Variants in SERPINB2 observed in about 807,000 individuals in gnomAD.
SERPINB2 encodes serpin family B member 2.
SERPINB2 carries 28 observed loss-of-function variants against 39.4 expected under a neutral mutation model. The observed-to-expected ratio is 0.71, with a 90% CI of 0.53 to 0.97. The LOEUF is 0.97. SERPINB2 is among the 50% of genes least tolerant of loss of function. The probability of loss-of-function intolerance (pLI) is 0.00; values close to 1 mark genes in which losing one functional copy is unlikely to be tolerated. For synonymous variants in SERPINB2, 209 were observed against 175.1 expected (o/e 1.19, Z -1.53); for missense variants, 557 against 505.3 (o/e 1.10, Z -0.98).
chr18:63,892,751 C>A (rs1204948535), intron 2 of SERPINB2: 1 of 152,196 alleles, frequency 6.6e-6, no homozygotes, highest in Non-Finnish European at 1.5e-5. Flanking sequence ...GTGAATCAAT[C>A]TCTGTGTTTG....
rs931461195 is a variant in SERPINB2 at position 63,895,161 on chromosome 18, G to A, written c.169-103G>A. 7 of 1,377,328 alleles carry A rather than the reference G, an allele frequency of 5.1e-6. No individual in the cohort carries two copies. The East Asian group carries it at 1.4e-4, about 27-fold the overall frequency. 85.3% of individuals were successfully genotyped at this position (1,377,328 alleles called of 1,614,324 possible). ...GTTGTTCCCCATGTATAAGGGAAGG[G>A]AAAAGATCTAGGACCATTTTAGAGC... is the stretch of plus-strand genomic sequence containing the variant. On this transcript the variant is annotated intron_variant, in intron 2 of 7. Coordinates refer to ENST00000299502, the MANE Select transcript of SERPINB2 (RefSeq NM_002575.3).
At position 63,891,485 on chromosome 18, in the gene SERPINB2, A is replaced by G. The variant is rs1205642546; in HGVS notation, c.41A>G (p.Asn14Ser). 1 of 1,613,996 alleles carries G rather than the reference A, an allele frequency of 6.2e-7. No homozygotes were observed. The highest frequency in any genetic ancestry group is 2.2e-5 in the East Asian group (1 of 44,890). Residue 14 changes from asparagine (N) to serine (S), a missense_variant, in exon 2 of 8, where the codon AAT (asparagine) becomes AGT (serine). By Grantham distance (46) the Asn-to-Ser change is conservative. Coordinates refer to ENST00000299502, the MANE Select transcript of SERPINB2 (RefSeq NM_002575.3). ...GTGGCAAACACACTCTTTGCCCTCA[A>G]TTTATTCAAGCATCTGGCAAAAGCA... is the stretch of plus-strand genomic sequence containing the variant. The part of the protein sequence containing the change: ...LCVANTLFAL[N>S]LFKHLAKASP...
chr18:63,897,615 C>G, intron 4 of SERPINB2, 112 bp from the exon 5 acceptor site: 1 of 841,080 alleles, frequency 1.2e-6, no homozygotes, highest in South Asian at 1.4e-5. Context: ...AACCTCCACT[C>G]CCACCCTACC....
intron 2 of SERPINB2, among the ~76,000 whole-genome samples, chr18:63,893,893 C>A (rs535848447): frequency 2.0e-4 from 31 of 152,212 alleles, no homozygotes; most frequent in African/African-American, 7.5e-4. Context: ...GGAATCAGGG[C>A]AAGAAGAGGC....
At chr18:63,900,046 A>G (rs1456325062) in intron 5 of SERPINB2, among the ~76,000 whole-genome samples, 1 of 152,192 alleles carries the variant, frequency 6.6e-6, no homozygotes, top group Non-Finnish European at 1.5e-5. Flanking sequence ...TTAAAGAGAC[A>G]CATGGAAGTT....
At chr18:63,892,409 G>A (rs900744193) in intron 2 of SERPINB2, among the ~76,000 whole-genome samples, 3 of 152,136 alleles carry the variant, frequency 2.0e-5, no homozygotes, top group South Asian at 2.1e-4. Context: ...CACTGCAATC[G>A]TTACTGTAAT....
In SERPINB2 at chr18:63,901,793, G is replaced by T; in HGVS notation, c.589G>T (p.Val197Phe). The T allele has an allele frequency of 6.3e-7, 1 of 1,594,888 alleles. No homozygotes were observed. The highest frequency in any genetic ancestry group is 1.2e-5 in the South Asian group (1 of 86,758). Residue 197 changes from valine to phenylalanine, a missense_variant, in exon 6 of 8, where the codon GTC (valine) becomes TTC (phenylalanine). Val to Phe is a conservative substitution (Grantham distance 50, BLOSUM62 -1). Transcript: ENST00000299502. Reference protein sequence around the residue: ...EGSVDGDTRMVLVNAVYFKGK... With the variant: ...EGSVDGDTRMFLVNAVYFKGK... ...TTCTGTAGATGGGGATACCAGGATG[G>T]TCCTGGTGAATGCTGTCTACTTCAA... is the stretch of plus-strand genomic sequence containing the variant.
rs2144709308 is a variant in SERPINB2, at chr18:63,903,240, C to G, written c.1183C>G (p.Leu395Val). 1 of 1,595,716 alleles carries G rather than the reference C, an allele frequency of 6.3e-7. No homozygotes were observed. The highest frequency in any genetic ancestry group is 1.1e-5 in the South Asian group (1 of 87,998). The change falls in exon 8 of 8, where the codon CTT becomes GTT. Residue 395 changes from leucine (L) to valine (V), a missense_variant. Coordinates refer to ENST00000299502, the MANE Select transcript of SERPINB2 (RefSeq NM_002575.3). ...GPQFVADHPF[L>V]FLIMHKITNC... ...ACAGTTTGTGGCAGATCATCCTTTT[C>G]TTTTTCTTATTATGCATAAGATAAC...
At chr18:63,889,037 A>T (rs183522107) in intron 1 of SERPINB2, among the ~76,000 whole-genome samples, 1 of 152,300 alleles carries the variant, frequency 6.6e-6, no homozygotes, top group African/African-American at 2.4e-5. Context: ...ACCTTATTTG[A>T]AAAGTTTGTA....
Position 63,887,974 on chromosome 18 carries a change from T to G in SERPINB2, c.-10+204T>G, listed in dbSNP as rs371885293. Among the ~76,000 whole-genome samples the G allele has an allele frequency of 4.5e-4, 68 of 152,368 alleles. No individual in the cohort carries two copies. The Middle Eastern group carries it at 0.01, about 23-fold the overall frequency. On this transcript the variant is annotated intron_variant, in intron 1 of 7. Transcript: ENST00000299502. ...GAATTAAATTTATAAGGTTTAATTT[T>G]GAATCTCAGAAGCCAACAAATACCT...
chr18:63,895,171 A>G, intron 2 of SERPINB2, 93 bp from the exon 3 acceptor site: 1 of 1,465,426 alleles, frequency 6.8e-7, no homozygotes, highest in Non-Finnish European at 9.3e-7. Flanking sequence ...GAAAAGATCT[A>G]GGACCATTTT....
At chr18:63,892,704 G>A (rs1157300531) in intron 2 of SERPINB2, 1 of 152,194 alleles carries the variant, frequency 6.6e-6, no homozygotes, top group Admixed American at 6.5e-5. Flanking sequence ...CACAGAGAGA[G>A]CATTGGCCAA....
intron 5 of SERPINB2, among the ~76,000 whole-genome samples, chr18:63,898,393 C>T (rs2049973531): frequency 6.6e-6 from 1 of 152,190 alleles, no homozygotes; most frequent in Non-Finnish European, 1.5e-5. Context: ...GTTTCACAGG[C>T]TCCTGCCTCC....
intron 5 of SERPINB2, among the ~76,000 whole-genome samples, chr18:63,898,946 C>G (rs2049976803): frequency 6.6e-6 from 1 of 152,114 alleles, no homozygotes; most frequent in African/African-American, 2.4e-5. Flanking sequence ...TTATGCTATT[C>G]CCACACTAAA....
At chr18:63,900,350 C>A (rs546594762) in intron 5 of SERPINB2, among the ~76,000 whole-genome samples, 1 of 152,114 alleles carries the variant, frequency 6.6e-6, no homozygotes, top group Non-Finnish European at 1.5e-5. Flanking sequence ...GAAACTGATG[C>A]AAGGCAGGCA....
At chr18:63,894,720 C>G (rs767200648) in intron 2 of SERPINB2, among the ~76,000 whole-genome samples, 43 of 152,186 alleles carry the variant, frequency 2.8e-4, no homozygotes, top group Non-Finnish European at 4.6e-4. Flanking sequence ...CCAACTTGTC[C>G]CTCACATGGA....
At chr18:63,888,325 T>A (rs890844707) in intron 1 of SERPINB2, among the ~76,000 whole-genome samples, 2 of 152,322 alleles carry the variant, frequency 1.3e-5, no homozygotes, top group South Asian at 4.1e-4. Context: ...TGAAAGAGAA[T>A]AATCAGCCAA....
At chr18:63,901,365 C>T (rs925796084) in intron 5 of SERPINB2, among the ~76,000 whole-genome samples, 1 of 152,120 alleles carries the variant, frequency 6.6e-6, no homozygotes, top group African/African-American at 2.4e-5. Context: ...CCAGATCTAG[C>T]AGTACATGAT....
chr18:63,893,961 G>T (rs941099521), intron 2 of SERPINB2, among the ~76,000 whole-genome samples: 4 of 152,172 alleles, frequency 2.6e-5, no homozygotes, highest in Non-Finnish European at 5.9e-5. Context: ...TGAAAGAAAA[G>T]AATACATAAA....
Sources: allele counts gnomAD v4.1 joint callset (sites outside exome capture counted in the v4.1 genomes callset), GRCh38; gene constraint gnomAD v4.1.1; transcripts MANE v1.5; gene names NCBI Gene and HGNC (gene_info 2026-07-23, HGNC 2026-07-21).